The following SLC35F1 variants were observed in gnomAD, a reference collection of about 807,000 sequenced individuals.
The protein encoded by SLC35F1 is solute carrier family 35 member F1, also known as chromosome 6 open reading frame 169.
SLC35F1 carries 14 observed loss-of-function variants against 48.7 expected under a neutral mutation model. The ratio of observed to expected loss-of-function variants is 0.29; its 90% confidence interval spans 0.19 to 0.45. The LOEUF is 0.45. Among genes scored for constraint, SLC35F1 ranks in the 20% least tolerant of loss-of-function variants. SLC35F1 has a pLI of 1.00. For synonymous variants in SLC35F1, 190 were observed against 202.2 expected (o/e 0.94, Z 0.51); for missense variants, 404 against 500.0 (o/e 0.81, Z 1.83).
rs867483033 is a variant in SLC35F1 at position 118,117,308 on chromosome 6, A to G, written c.174-37137A>G. Among the ~76,000 whole-genome samples the G allele has an allele frequency of 2.6e-5, 4 of 152,230 alleles. No homozygotes were observed. In the South Asian group the frequency reaches 8.3e-4, roughly 31 times the overall value. ...ACTACATTTTCCTAAGTGAAGGAAT[A>G]CTCAATTTTGCAGAGCAGCTTGCTT... On this transcript the variant is annotated intron_variant, in intron 1 of 7. Transcript: ENST00000360388.
chr6:117,994,636 AT>A (rs997005812), intron 1 of SLC35F1, among the ~76,000 whole-genome samples: 10 of 152,182 alleles, frequency 6.6e-5, no homozygotes, highest in Non-Finnish European at 1.5e-5. Context: ...TGTGGCTGAT[AT>A]TTTTGGCACT....
chr6:118,140,933 G>T (rs56388357), intron 1 of SLC35F1, among the ~76,000 whole-genome samples: 72,271 of 152,088 alleles, frequency 0.48, 18,459 homozygotes, highest in Middle Eastern at 0.62. Context: ...TATGTTTTGA[G>T]CTAAGTGTTA....
At chr6:118,130,895 T>C (rs1235023826) in intron 1 of SLC35F1, among the ~76,000 whole-genome samples, 1 of 152,174 alleles carries the variant, frequency 6.6e-6, no homozygotes, top group Non-Finnish European at 1.5e-5. Flanking sequence ...GATGTAAAGA[T>C]TTTATAAATA....
intron 1 of SLC35F1, among the ~76,000 whole-genome samples, chr6:118,042,626 T>C (rs11153717): frequency 0.25 from 37,566 of 152,052 alleles, 4,847 homozygotes; most frequent in East Asian, 0.36. Context: ...AGAGGGAATG[T>C]TACCTGGTGG....
intron 2 of SLC35F1, among the ~76,000 whole-genome samples, chr6:118,230,106 C>T (rs1442549365): frequency 6.6e-6 from 1 of 152,114 alleles, no homozygotes; most frequent in Non-Finnish European, 1.5e-5. Flanking sequence ...CTTTGGGAGG[C>T]CATGGTGGGC....
At position 117,944,527 on chromosome 6, in the gene SLC35F1, T is replaced by A. The variant is rs148630424; in HGVS notation, c.173+36628T>A. ...TGCTAGTTATTATTTTTGTTTTTATTTTCTCAGAAAAGCTTTCAAGTTTGT... is the reference window on the plus strand; with the variant it reads ...TGCTAGTTATTATTTTTGTTTTTATATTCTCAGAAAAGCTTTCAAGTTTGT... On this transcript the variant is annotated intron_variant, in intron 1 of 7. Coordinates refer to ENST00000360388, the MANE Select transcript of SLC35F1 (RefSeq NM_001029858.4). 6.8e-4 allele frequency among the ~76,000 whole-genome samples: 104 copies of A among 152,078 alleles called. 1 individual carries two copies. The East Asian group carries it at 0.02, about 29-fold the overall frequency.
chr6:117,974,781 C>T (rs866405335), intron 1 of SLC35F1, among the ~76,000 whole-genome samples: 10 of 152,054 alleles, frequency 6.6e-5, no homozygotes, highest in African/African-American at 2.4e-4. Flanking sequence ...CTAAATAATG[C>T]TTTTTAAATT....
intron 1 of SLC35F1, among the ~76,000 whole-genome samples, chr6:118,122,828 A>G (rs183656494): frequency 1.3e-3 from 200 of 152,334 alleles, no homozygotes; most frequent in African/African-American, 4.7e-3. Flanking sequence ...TTAAAATAAA[A>G]TGCCCGACAC....
chr6:118,066,762 T>C (rs1772620741), intron 1 of SLC35F1, among the ~76,000 whole-genome samples: 1 of 145,800 alleles, frequency 6.9e-6, no homozygotes, highest in Admixed American at 6.8e-5. Context: ...TTTTTTTTTC[T>C]TGAGACAGAG....
intron 1 of SLC35F1, among the ~76,000 whole-genome samples, chr6:118,141,845 C>T (rs1330936760): frequency 6.6e-6 from 1 of 152,222 alleles, no homozygotes; most frequent in Non-Finnish European, 1.5e-5. Flanking sequence ...TACCAGTCCT[C>T]GTTTCACTGG....
chr6:118,146,041 G>C (rs1422666421), intron 1 of SLC35F1, among the ~76,000 whole-genome samples: 3 of 152,138 alleles, frequency 2.0e-5, no homozygotes, highest in Admixed American at 2.0e-4. Context: ...GCAAATCGTA[G>C]AACACTGATG....
chr6:118,033,079 A>C (rs1197024397), intron 1 of SLC35F1, among the ~76,000 whole-genome samples: 2 of 152,124 alleles, frequency 1.3e-5, no homozygotes, highest in Non-Finnish European at 2.9e-5. Flanking sequence ...CAACATAATT[A>C]TTTTATTCAG....
At chr6:118,071,983 T>A (rs779687434) in intron 1 of SLC35F1, among the ~76,000 whole-genome samples, 1 of 152,198 alleles carries the variant, frequency 6.6e-6, no homozygotes, top group Non-Finnish European at 1.5e-5. Context: ...CTCCGGAATA[T>A]TTTTCTATAT....
chr6:117,928,767 C>G (rs1304890124), intron 1 of SLC35F1, among the ~76,000 whole-genome samples: 2 of 152,076 alleles, frequency 1.3e-5, no homozygotes, highest in African/African-American at 4.8e-5. Context: ...AGTATGCTAA[C>G]AGCTTGCTTC....
chr6:117,998,009 T>C (rs1314508510), intron 1 of SLC35F1, among the ~76,000 whole-genome samples: 3 of 149,358 alleles, frequency 2.0e-5, no homozygotes, highest in Admixed American at 6.7e-5. Flanking sequence ...GACCCATCAG[T>C]GTGCTGTATT....
chr6:118,051,306 A>G (rs535737512), intron 1 of SLC35F1, among the ~76,000 whole-genome samples: 1 of 152,310 alleles, frequency 6.6e-6, no homozygotes, highest in African/African-American at 2.4e-5. Flanking sequence ...TCCTTTATTC[A>G]GTATGCATTG....
At chr6:118,271,757 G>A (rs1325784540) in intron 4 of SLC35F1, among the ~76,000 whole-genome samples, 3 of 152,184 alleles carry the variant, frequency 2.0e-5, no homozygotes, top group Admixed American at 2.0e-4. Context: ...TGACTAGGTT[G>A]ATTGGAATCA....
intron 7 of SLC35F1, among the ~76,000 whole-genome samples, chr6:118,286,772 T>G (rs1776054034): frequency 7.1e-6 from 1 of 140,930 alleles, no homozygotes; most frequent in Admixed American, 6.9e-5. Flanking sequence ...AGTTACCTTT[T>G]TTCTGTGTGT....
chr6:118,011,332 A>C (rs1777243463), intron 1 of SLC35F1, among the ~76,000 whole-genome samples: 1 of 152,186 alleles, frequency 6.6e-6, no homozygotes, highest in African/African-American at 2.4e-5. Flanking sequence ...GGAAACTTAC[A>C]ATCATGGAGG....
Sources: gnomAD v4.1 joint callset for allele counts (sites outside exome capture counted in the v4.1 genomes callset) on GRCh38, gnomAD v4.1.1 for gene constraint, MANE v1.5 for transcripts, NCBI Gene and HGNC (gene_info 2026-07-23, HGNC 2026-07-21) for gene names.